GRIN2A: variants seen among roughly 807,000 people sequenced by gnomAD.
GRIN2A encodes the protein glutamate receptor ionotropic, NMDA 2A.
GRIN2A carries 22 observed loss-of-function variants against 113.4 expected under a neutral mutation model. The observed-to-expected ratio is 0.19, with a 90% CI of 0.14 to 0.28. The LOEUF (loss-of-function observed/expected upper bound fraction) is 0.28, where lower values mean the gene tolerates loss of function less well. Among genes scored for constraint, GRIN2A ranks in the 10% least tolerant of loss-of-function variants. GRIN2A has a pLI of 1.00. For missense variants in GRIN2A, 1,502 were observed against 1,887.0 expected (o/e 0.80, Z 3.78); for synonymous variants, 827 against 738.4 (o/e 1.12, Z -1.94).
chr16:9,992,581 G>A (rs1176611462), intron 2 of GRIN2A, among the ~76,000 whole-genome samples: 4 of 152,318 alleles, frequency 2.6e-5, no homozygotes, highest in African/African-American at 9.6e-5. Flanking sequence ...CAAGGAACAG[G>A]ACCAACTAAC....
chr16:9,875,135 T>C (rs1433193506), intron 4 of GRIN2A, among the ~76,000 whole-genome samples: 1 of 151,750 alleles, frequency 6.6e-6, no homozygotes, highest in African/African-American at 2.4e-5. Flanking sequence ...TAGCTGGGAC[T>C]ACAGGTGGCT....
chr16:9,897,223 A>T (rs2043825031), intron 3 of GRIN2A, among the ~76,000 whole-genome samples: 1 of 142,636 alleles, frequency 7.0e-6, no homozygotes, highest in African/African-American at 3.0e-5. Flanking sequence ...ATATATATAA[A>T]AAAATACATA....
chr16:9,915,385 C>T (rs548721625), intron 3 of GRIN2A, among the ~76,000 whole-genome samples: 5 of 152,176 alleles, frequency 3.3e-5, no homozygotes, highest in Non-Finnish European at 7.4e-5. Context: ...TCCTTAAGAA[C>T]AGCACAGACC....
intron 2 of GRIN2A, among the ~76,000 whole-genome samples, chr16:10,130,152 C>T (rs2049031788): frequency 6.6e-6 from 1 of 152,198 alleles, no homozygotes; most frequent in African/African-American, 2.4e-5. Flanking sequence ...CCAAGAGACT[C>T]ATTCAAGGTT....
At chr16:10,025,343 T>C (rs962990194) in intron 2 of GRIN2A, among the ~76,000 whole-genome samples, 9 of 123,734 alleles carry the variant, frequency 7.3e-5, no homozygotes, top group Non-Finnish European at 1.1e-4. Flanking sequence ...TGTTTTGTCA[T>C]CCAGGCTGGA....
Position 9,759,584 on chromosome 16 carries a change from T to C in GRIN2A, c.*3565A>G. ...ACAGATTTTGCTGCAATGTGTGAAT[T>C]TTAATGCTTTCACCAGAAAAACTAA... On this transcript the variant is annotated 3_prime_UTR_variant, in exon 13 of 13. Coordinates refer to ENST00000330684, the MANE Select transcript of GRIN2A (RefSeq NM_001134407.3). The C allele has an allele frequency of 4.4e-6, 1 of 228,388 alleles. No individual in the cohort carries two copies. The highest frequency in any genetic ancestry group is 8.7e-6 in the Non-Finnish European group (1 of 115,046). 14.1% of individuals were successfully genotyped at this position (228,388 alleles called of 1,614,324 possible). A position where few individuals can be genotyped will look rare whatever the true frequency, so the allele number is the denominator to read the frequency against.
At chr16:9,884,742 G>A (rs563158042) in intron 4 of GRIN2A, among the ~76,000 whole-genome samples, 38 of 143,926 alleles carry the variant, frequency 2.6e-4, no homozygotes, top group African/African-American at 8.2e-4. Flanking sequence ...TTCTCACTTA[G>A]AGAATTTCTT....
chr16:10,062,506 A>T (rs2047566434), intron 2 of GRIN2A, among the ~76,000 whole-genome samples: 1 of 152,188 alleles, frequency 6.6e-6, no homozygotes, highest in South Asian at 2.1e-4. Context: ...TAACATTCGG[A>T]AATCTGTTTT....
At chr16:10,149,329 T>C (rs934500419) in intron 2 of GRIN2A, among the ~76,000 whole-genome samples, 7 of 152,200 alleles carry the variant, frequency 4.6e-5, no homozygotes, top group African/African-American at 1.7e-4. Flanking sequence ...AAATATCCCA[T>C]ATACCTAACA....
intron 2 of GRIN2A, among the ~76,000 whole-genome samples, chr16:9,979,742 T>C (rs2045850949): frequency 6.7e-6 from 1 of 149,658 alleles, no homozygotes; most frequent in African/African-American, 2.4e-5. Flanking sequence ...TAGAAAACGC[T>C]TGGAGGCTAT....
chr16:9,811,888 C>T (rs527374991), intron 10 of GRIN2A, among the ~76,000 whole-genome samples: 8 of 152,182 alleles, frequency 5.3e-5, no homozygotes, highest in South Asian at 2.1e-4. Flanking sequence ...TGGCTTGGCT[C>T]GAATAGAAGA....
At chr16:10,092,757 G>T (rs573075333) in intron 2 of GRIN2A, among the ~76,000 whole-genome samples, 2 of 151,990 alleles carry the variant, frequency 1.3e-5, no homozygotes, top group South Asian at 2.1e-4. Context: ...CAAACTAAAC[G>T]GTAACTCAAG....
intron 11 of GRIN2A, among the ~76,000 whole-genome samples, chr16:9,793,091 A>C (rs1389111101): frequency 6.6e-6 from 1 of 152,206 alleles, no homozygotes; most frequent in Non-Finnish European, 1.5e-5. Context: ...GCTCTGCTGC[A>C]GTTCACTTTA....
At chr16:9,975,200 A>C (rs1199509034) in intron 2 of GRIN2A, among the ~76,000 whole-genome samples, 1 of 152,180 alleles carries the variant, frequency 6.6e-6, no homozygotes, top group Non-Finnish European at 1.5e-5. Context: ...AATCCATAAA[A>C]AGGCAGATAT....
chr16:9,900,986 G>T (rs2043910258), intron 3 of GRIN2A, among the ~76,000 whole-genome samples: 1 of 152,166 alleles, frequency 6.6e-6, no homozygotes, highest in Non-Finnish European at 1.5e-5. Context: ...CGTGCATGTT[G>T]CTCTTCCAAC....
intron 4 of GRIN2A, among the ~76,000 whole-genome samples, chr16:9,856,456 T>TA (rs546997832): frequency 0.026 from 3,830 of 146,924 alleles, 49 homozygotes; most frequent in East Asian, 0.056. Context: ...CCGTCTCTAC[T>TA]AAAAAAAAAA....
chr16:9,890,667 A>G (rs551202075), intron 4 of GRIN2A, among the ~76,000 whole-genome samples: 8 of 152,336 alleles, frequency 5.3e-5, no homozygotes, highest in Admixed American at 2.0e-4. Flanking sequence ...TCATTGCTAC[A>G]TAGTCAACAC....
chr16:10,165,676 AGAGGG>A (rs1455923344), intron 2 of GRIN2A, among the ~76,000 whole-genome samples: 9 of 119,282 alleles, frequency 7.5e-5, no homozygotes, highest in African/African-American at 2.8e-4. Context: ...AGAGAAGAGG[AGAGGG>A]GAGGGGAGGG....
intron 2 of GRIN2A, among the ~76,000 whole-genome samples, chr16:9,956,151 T>A (rs2045304781): frequency 6.6e-6 from 1 of 152,224 alleles, no homozygotes; most frequent in Non-Finnish European, 1.5e-5. Context: ...ACAAGTAGAC[T>A]TTCTTCAAAT....
Sources: allele counts gnomAD v4.1 joint callset (sites outside exome capture counted in the v4.1 genomes callset), GRCh38; gene constraint gnomAD v4.1.1; transcripts MANE v1.5; gene names NCBI Gene and HGNC (gene_info 2026-07-23, HGNC 2026-07-21).